The following TVP23A variants were observed in gnomAD, a reference collection of about 807,000 sequenced individuals.
The protein encoded by TVP23A is trans-golgi network vesicle protein 23 homolog A.
Under a neutral mutation model 31.7 loss-of-function variants are expected in TVP23A, and 21 were observed. The ratio of observed to expected loss-of-function variants is 0.66; its 90% CI spans 0.47 to 0.95. TVP23A has a LOEUF of 0.95. TVP23A is among the 40% of genes least tolerant of loss of function. TVP23A has a pLI of 0.00. For synonymous variants in TVP23A, 104 were observed against 96.0 expected (o/e 1.08, Z -0.49); for missense variants, 279 against 255.6 (o/e 1.09, Z -0.62).
chr16:10,775,313 C>A (rs866544917), intron 2 of TVP23A: 10 of 1,385,592 alleles, frequency 7.2e-6, no homozygotes, highest in Middle Eastern at 2.7e-4. Context: ...TTTTTCCTCC[C>A]CTTCGAAGAA....
intron 5 of TVP23A, among the ~76,000 whole-genome samples, chr16:10,772,184 A>T (rs1392890878): frequency 2.0e-5 from 3 of 152,162 alleles, no homozygotes; most frequent in Non-Finnish European, 4.4e-5. Flanking sequence ...CCTCAGAATC[A>T]TTACAACTGG....
intron 2 of TVP23A, among the ~76,000 whole-genome samples, chr16:10,789,044 G>A (rs2032939460): frequency 6.6e-6 from 1 of 152,172 alleles, no homozygotes; most frequent in African/African-American, 2.4e-5. Flanking sequence ...TTTCCCAACA[G>A]ATCTCGAACT....
At position 10,818,304 on chromosome 16, in the gene TVP23A, G is replaced by T; in HGVS notation, c.10-122C>A. 2.8e-6 allele frequency: 3 copies of T among 1,087,812 alleles called. No homozygotes were observed. The highest frequency in any genetic ancestry group is 3.7e-6 in the Non-Finnish European group (3 of 803,022). The allele number at this position is 1,087,812 out of a possible 1,614,324, so 67.4% of individuals were successfully genotyped here. On this transcript the variant is annotated intron_variant, in intron 1 of 7. Coordinates refer to ENST00000299866, the MANE Select transcript of TVP23A (RefSeq NM_001079512.4). This position sits in a 1 kb window ranked among gnomAD's most constrained non-coding sequence, Gnocchi z 4.7. ...CACCGGGTTCCCAAGTGGACCCTCC[G>T]AGCTGGCGGGGCCCCTCCGCTGCGG...
At chr16:10,774,837 C>T in intron 3 of TVP23A, 115 bp downstream of exon 3, 1 of 871,940 alleles carries the variant, frequency 1.1e-6, no homozygotes, top group South Asian at 1.7e-5. Context: ...AGTGACACTG[C>T]TCAGCACTCT....
At chr16:10,815,832 C>A (rs902059386) in intron 2 of TVP23A, among the ~76,000 whole-genome samples, 7 of 152,132 alleles carry the variant, frequency 4.6e-5, no homozygotes, top group African/African-American at 1.4e-4. Context: ...GATTCTTTAC[C>A]CAGGATTCCA....
downstream of TVP23A, chr16:10,758,059 A>G: frequency 6.2e-7 from 1 of 1,607,388 alleles, no homozygotes; most frequent in Non-Finnish European, 8.5e-7. Flanking sequence ...GCTGGGTCCA[A>G]ACTGTGCTCC....
downstream of TVP23A, chr16:10,764,893 G>A (rs2030637708): frequency 1.2e-5 from 2 of 173,392 alleles, no homozygotes; most frequent in Admixed American, 6.6e-5. Flanking sequence ...CAGTCTGCTG[G>A]AGTATGTCAG....
At chr16:10,774,769 C>T (rs2142895578) in intron 3 of TVP23A, among the ~76,000 whole-genome samples, 183 bp downstream of exon 3, 1 of 152,180 alleles carries the variant, frequency 6.6e-6, no homozygotes, top group Admixed American at 6.5e-5. Context: ...CACCACCGCG[C>T]CAGGCTAATT....
Position 10,790,929 on chromosome 16 carries a change from G to A in TVP23A, c.90-15833C>T, listed in dbSNP as rs145037734. ...CAGCTGTGCCTGGATTCCAATGGGA[G>A]GAGGGTAGAACGAGGCATGTCTGAC... is the stretch of plus-strand genomic sequence containing the variant. On this transcript the variant is annotated intron_variant, in intron 2 of 7. Transcript: ENST00000299866. Among the ~76,000 whole-genome samples, 1,149 of 152,242 alleles carry A rather than the reference G, an allele frequency of 7.5e-3. 15 individuals are homozygous for A. Among genetic ancestry groups the A allele is most frequent in the South Asian group, 0.011 (51 of 4,818 alleles).
intron 2 of TVP23A, among the ~76,000 whole-genome samples, chr16:10,776,806 T>G (rs1468895302): frequency 5.3e-5 from 8 of 152,222 alleles, no homozygotes; most frequent in Admixed American, 5.2e-4. Flanking sequence ...GGATTATTCA[T>G]GCCTCCCCTT....
At position 10,779,457 on chromosome 16, in the gene TVP23A, A is replaced by T. The variant is rs2032286103; in HGVS notation, c.90-4361T>A. ...CCTGCTCCCCAGCAACATGGAGCACACACACACACACCACCAATCACCTCC... is the reference window on the plus strand; with the variant it reads ...CCTGCTCCCCAGCAACATGGAGCACTCACACACACACCACCAATCACCTCC... On this transcript the variant is annotated intron_variant, in intron 2 of 7. Transcript: ENST00000299866. The surrounding 1 kb of genome is among the most constrained non-coding windows in gnomAD (Gnocchi z 4.9). Among the ~76,000 whole-genome samples, 1 of 152,142 alleles carries T rather than the reference A, an allele frequency of 6.6e-6. No individual in the cohort carries two copies. Among genetic ancestry groups the T allele is most frequent in the South Asian group, 2.1e-4 (1 of 4,826 alleles).
At chr16:10,806,688 G>C (rs2033961529) in intron 2 of TVP23A, among the ~76,000 whole-genome samples, 1 of 152,030 alleles carries the variant, frequency 6.6e-6, no homozygotes. Context: ...TTTTAGTAGA[G>C]ACAGGGTTTC....
chr16:10,790,227 G>T (rs2142987227), intron 2 of TVP23A, among the ~76,000 whole-genome samples: 1 of 152,042 alleles, frequency 6.6e-6, no homozygotes. Flanking sequence ...CACAAAGAAT[G>T]GCTTTGCAGG....
chr16:10,800,692 T>C (rs535470487), intron 2 of TVP23A, among the ~76,000 whole-genome samples: 3 of 152,302 alleles, frequency 2.0e-5, no homozygotes, highest in South Asian at 4.1e-4. Flanking sequence ...AAAAGCATTT[T>C]TGGCCAGGCA....
Position 10,767,399 on chromosome 16 carries a change from A to G in TVP23A, c.*1703T>C, listed in dbSNP as rs781322623. 2.5e-6 allele frequency: 1 copy of G among 400,920 alleles called. No homozygotes were observed. The highest frequency in any genetic ancestry group is 4.4e-6 in the Non-Finnish European group (1 of 227,726). 24.8% of individuals were successfully genotyped at this position (400,920 alleles called of 1,614,324 possible). On this transcript the variant is annotated 3_prime_UTR_variant, in exon 8 of 8. Coordinates refer to ENST00000299866, the MANE Select transcript of TVP23A (RefSeq NM_001079512.4). This position sits in a 1 kb window ranked among gnomAD's most constrained non-coding sequence, Gnocchi z 4.6. ...CACAGATGACCTGGAAGATAAAATT[A>G]TACACAGACAAAGCAGCAGGCAGAA... is the stretch of plus-strand genomic sequence containing the variant.
At chr16:10,790,043 G>A (rs921807248) in intron 2 of TVP23A, among the ~76,000 whole-genome samples, 6 of 152,098 alleles carry the variant, frequency 3.9e-5, no homozygotes, top group African/African-American at 1.4e-4. Context: ...TGGAGACCAA[G>A]GTTCTTTTGA....
At chr16:10,761,904 C>A, downstream of TVP23A, 1 of 1,482,732 alleles carries the variant, frequency 6.7e-7, no homozygotes, top group Non-Finnish European at 9.4e-7. Flanking sequence ...CTCGGTCAGC[C>A]CCACAGGCAC....
intron 2 of TVP23A, among the ~76,000 whole-genome samples, chr16:10,793,970 A>C (rs1002545737): frequency 2.0e-5 from 3 of 150,746 alleles, no homozygotes; most frequent in Non-Finnish European, 4.4e-5. Context: ...CAAGTCCAAG[A>C]TCAAGGTGCC....
chr16:10,782,440 C>T (rs993118508), intron 2 of TVP23A, among the ~76,000 whole-genome samples: 2 of 152,144 alleles, frequency 1.3e-5, no homozygotes, highest in Non-Finnish European at 2.9e-5. Context: ...CCTGTGCCAC[C>T]AGCCCCAGGT....
Sources: gnomAD v4.1 joint callset for allele counts (sites outside exome capture counted in the v4.1 genomes callset) on GRCh38, gnomAD v4.1.1 for gene constraint, Gnocchi (gnomAD v3.1) non-coding constraint, MANE v1.5 for transcripts, NCBI Gene and HGNC (gene_info 2026-07-23, HGNC 2026-07-21) for gene names.